DOCK2: variants seen among roughly 807,000 people sequenced by gnomAD.
DOCK2 encodes the protein dedicator of cytokinesis protein 2.
Under a neutral mutation model 248.9 loss-of-function variants are expected in DOCK2, and 87 were observed. The observed-to-expected ratio is 0.35, with a 90% CI of 0.29 to 0.42. The LOEUF (loss-of-function observed/expected upper bound fraction) is 0.42, where lower values mean the gene tolerates loss of function less well. Among genes scored for constraint, DOCK2 ranks in the 10% least tolerant of loss-of-function variants. The pLI is 1.00. For missense variants in DOCK2, 1,747 were observed against 2,300.2 expected (o/e 0.76, Z 4.92); for synonymous variants, 805 against 821.6 (o/e 0.98, Z 0.35).
intron 38 of DOCK2, among the ~76,000 whole-genome samples, chr5:170,045,126 C>G (rs1376332769): frequency 1.3e-5 from 2 of 151,992 alleles, no homozygotes; most frequent in Admixed American, 1.3e-4. Flanking sequence ...TAGCACCACC[C>G]CTTCCACCTC....
At position 169,700,954 on chromosome 5, in the gene DOCK2, A is replaced by AAAGAAAGG. The variant is rs1280854576; in HGVS notation, c.1258+822_1258+823insGAAGAAAG. Among the ~76,000 whole-genome samples the AAAGAAAGG allele has an allele frequency of 4.0e-5, 6 of 151,788 alleles. 1 individual carries two copies. The East Asian group carries it at 1.2e-3, about 29-fold the overall frequency. On this transcript the variant is annotated intron_variant, in intron 13 of 51. Transcript: ENST00000520908. ...AAGAAAAAGAAGGAGAGAAAGAAAG[A>AAAGAAAGG]AAGAAAGAAAGAGAAACAGCCTATT... is the stretch of plus-strand genomic sequence containing the variant.
In DOCK2 at chr5:169,803,134, C is replaced by T; in HGVS notation, c.2631C>T (p.His877=). Residue 877 remains histidine (H), a synonymous_variant, in exon 26 of 52, where the codon CAC becomes CAT. Transcript: ENST00000520908. The part of the protein sequence containing the change: ...ELLEQKDDMQ[H]QVLERKYCVE... Reference sequence around the variant, plus strand: ...TGGAGCAGAAGGATGACATGCAACACCAGGTCCTGGAGAGGAAGTACTGCG... The same window carrying T: ...TGGAGCAGAAGGATGACATGCAACATCAGGTCCTGGAGAGGAAGTACTGCG... The T allele has an allele frequency of 1.2e-6, 2 of 1,614,132 alleles. No individual in the cohort carries two copies. Among genetic ancestry groups the T allele is most frequent in the Non-Finnish European group, 1.7e-6 (2 of 1,179,996 alleles).
intron 27 of DOCK2, among the ~76,000 whole-genome samples, chr5:169,869,973 G>A (rs1036224706): frequency 3.3e-5 from 5 of 152,212 alleles, no homozygotes; most frequent in African/African-American, 1.2e-4. Flanking sequence ...GGCTTACAGT[G>A]GAGGGCAAAT....
intron 32 of DOCK2, among the ~76,000 whole-genome samples, chr5:170,014,340 C>T (rs1755428123): frequency 6.6e-6 from 1 of 152,008 alleles, no homozygotes; most frequent in African/African-American, 2.4e-5. Flanking sequence ...TACAAGCCTT[C>T]TAATTATAAA....
chr5:169,869,424 A>T lies in DOCK2; in HGVS notation c.2799+28572A>T, dbSNP rs143004899. Reference sequence around the variant, plus strand: ...GAGAAGTGTGTGTGCTTCGGAAAGAAATTGATTAATGTTTTTTAGGCCAAA... The same window carrying T: ...GAGAAGTGTGTGTGCTTCGGAAAGATATTGATTAATGTTTTTTAGGCCAAA... On this transcript the variant is annotated intron_variant, in intron 27 of 51. Coordinates refer to ENST00000520908, the MANE Select transcript of DOCK2 (RefSeq NM_004946.3). Among the ~76,000 whole-genome samples, 827 of 152,348 alleles carry T rather than the reference A, an allele frequency of 5.4e-3. 9 individuals carry two copies. Among genetic ancestry groups the T allele is most frequent in the Middle Eastern group, 0.02 (6 of 294 alleles).
At chr5:169,796,367 G>A (rs998425915) in intron 25 of DOCK2, among the ~76,000 whole-genome samples, 3 of 152,170 alleles carry the variant, frequency 2.0e-5, no homozygotes, top group African/African-American at 4.8e-5. Flanking sequence ...CTCAACATGA[G>A]TTTCATGGAG....
chr5:169,963,458 C>T (rs76338987), intron 27 of DOCK2, among the ~76,000 whole-genome samples: 4,894 of 152,222 alleles, frequency 0.032, 240 homozygotes, highest in African/African-American at 0.1. Flanking sequence ...ATGGTGACTC[C>T]TCTGGTCCTA....
chr5:169,854,956 A>C (rs530536280), intron 27 of DOCK2, among the ~76,000 whole-genome samples: 2 of 152,358 alleles, frequency 1.3e-5, no homozygotes, highest in East Asian at 3.9e-4. Context: ...GGGGATGACC[A>C]GAAAAAGTTA....
chr5:169,966,617 C>T (rs1301841462), intron 27 of DOCK2, among the ~76,000 whole-genome samples: 3 of 152,166 alleles, frequency 2.0e-5, no homozygotes, highest in South Asian at 4.1e-4. Context: ...GACCTGGCTC[C>T]ATACCCTTAT....
At chr5:170,063,060 A>G (rs1168641493) in intron 44 of DOCK2, among the ~76,000 whole-genome samples, 1 of 152,180 alleles carries the variant, frequency 6.6e-6, no homozygotes, top group Admixed American at 6.5e-5. Flanking sequence ...GCTTCCACCC[A>G]AGGGCTATAT....
At chr5:169,782,582 C>T (rs1232176830) in intron 25 of DOCK2, among the ~76,000 whole-genome samples, 2 of 150,990 alleles carry the variant, frequency 1.3e-5, no homozygotes, top group East Asian at 1.9e-4. Flanking sequence ...GATTGCAGGT[C>T]TCCAGGTCCT....
intron 23 of DOCK2, among the ~76,000 whole-genome samples, chr5:169,755,605 G>A (rs767527042): frequency 2.6e-4 from 40 of 152,070 alleles, no homozygotes; most frequent in Non-Finnish European, 4.9e-4. Flanking sequence ...CTAGCCGGGC[G>A]TGGTGGCGGG....
intron 25 of DOCK2, among the ~76,000 whole-genome samples, chr5:169,780,162 C>G (rs924629761): frequency 6.6e-6 from 1 of 152,172 alleles, no homozygotes; most frequent in East Asian, 1.9e-4. Flanking sequence ...TGGCTCTTGC[C>G]CATCCAGCGT....
At chr5:169,656,074 G>T (rs1328472056) in intron 2 of DOCK2, among the ~76,000 whole-genome samples, 2 of 152,142 alleles carry the variant, frequency 1.3e-5, no homozygotes, top group East Asian at 3.9e-4. Context: ...GTGATTCCAC[G>T]CACGCTGCCC....
intron 25 of DOCK2, among the ~76,000 whole-genome samples, chr5:169,796,644 T>A (rs1766672799): frequency 1.3e-5 from 2 of 152,130 alleles, no homozygotes; most frequent in African/African-American, 4.8e-5. Flanking sequence ...TGGAAATATA[T>A]CGAAATATAT....
At chr5:170,058,213 T>A (rs1490297172) in intron 44 of DOCK2, among the ~76,000 whole-genome samples, 8 of 152,202 alleles carry the variant, frequency 5.3e-5, no homozygotes, top group Non-Finnish European at 1.0e-4. Flanking sequence ...GTCCCCAAGA[T>A]ACAGAGGAAT....
rs185560935 is a variant in DOCK2 at position 169,710,647 on chromosome 5, C to T, written c.1483-1288C>T. ...CATTAGCAGCATTCTTTATTCCCCC[C>T]GGGCTCTGACTCCAAACACAAGATG... On this transcript the variant is annotated intron_variant, in intron 15 of 51. Coordinates refer to ENST00000520908, the MANE Select transcript of DOCK2 (RefSeq NM_004946.3). 7.4e-4 allele frequency among the ~76,000 whole-genome samples: 112 copies of T among 152,284 alleles called. 1 individual carries two copies. Among genetic ancestry groups the T allele is most frequent in the African/African-American group, 2.5e-3 (105 of 41,546 alleles).
intron 2 of DOCK2, among the ~76,000 whole-genome samples, chr5:169,667,792 A>G (rs1758822492): frequency 6.6e-6 from 1 of 152,280 alleles, no homozygotes. Context: ...GCACATAGGA[A>G]GCACTTAGAA....
At chr5:169,705,540 CTCTG>C (rs1761217652) in intron 14 of DOCK2, among the ~76,000 whole-genome samples, 2 of 152,160 alleles carry the variant, frequency 1.3e-5, no homozygotes, top group Non-Finnish European at 2.9e-5. Flanking sequence ...GCCTGAGAGT[CTCTG>C]TCTGAAAATA....
Sources: allele counts gnomAD v4.1 joint callset (sites outside exome capture counted in the v4.1 genomes callset), GRCh38; gene constraint gnomAD v4.1.1; transcripts MANE v1.5; gene names NCBI Gene and HGNC (gene_info 2026-07-23, HGNC 2026-07-21).